The following SH3YL1 variants were observed in gnomAD, a reference collection of about 807,000 sequenced individuals.
SH3YL1 encodes SH3 and SYLF domain containing 1.
Under a neutral mutation model 45.8 loss-of-function variants are expected in SH3YL1, and 41 were observed. The observed-to-expected ratio is 0.89, with a 90% CI of 0.70 to 1.16. The LOEUF (loss-of-function observed/expected upper bound fraction) is 1.16. Ranked by LOEUF, SH3YL1 falls within the 50% of genes most tolerant of loss-of-function variation. The pLI is 0.00. For missense variants in SH3YL1, 389 were observed against 409.6 expected, an observed-to-expected ratio of 0.95 and a Z score of 0.43; for synonymous variants, 152 against 151.4, an observed-to-expected ratio of 1.00 and a Z score of -0.03.
At chr2:249,235 T>A (rs1020321353) in intron 3 of SH3YL1, among the ~76,000 whole-genome samples, 28 of 152,296 alleles carry the variant, frequency 1.8e-4, no homozygotes, top group East Asian at 7.7e-4. Flanking sequence ...TCCCAGAAAG[T>A]AAAACTCGAT....
At chr2:223,357 G>A (rs1481451246) in intron 9 of SH3YL1, among the ~76,000 whole-genome samples, 1 of 152,140 alleles carries the variant, frequency 6.6e-6, no homozygotes, top group African/African-American at 2.4e-5. Flanking sequence ...GGGGATCTGT[G>A]GCCTCAGCTC....
At chr2:230,977 A>G (rs750365570) in intron 7 of SH3YL1, 46 bp downstream of exon 7, 2 of 1,589,024 alleles carry the variant, frequency 1.3e-6, no homozygotes, top group Non-Finnish European at 1.7e-6. Context: ...TTCTACAGAA[A>G]GAGATTTTCT....
chr2:244,777 T>A (rs989687207), intron 4 of SH3YL1: 5 of 152,174 alleles, frequency 3.3e-5, no homozygotes, highest in African/African-American at 1.2e-4. Flanking sequence ...AGTCTCGGCC[T>A]TCCCGGTACT....
chr2:254,342 T>C (rs1340256434), intron 1 of SH3YL1, among the ~76,000 whole-genome samples: 2 of 152,208 alleles, frequency 1.3e-5, no homozygotes, highest in Non-Finnish European at 2.9e-5. Context: ...CTCTGAAGTA[T>C]ATCGAGAAGA....
intron 4 of SH3YL1, chr2:244,568 A>AAAAG (rs34650142): frequency 0.62 from 93,248 of 151,048 alleles, 29,776 homozygotes; most frequent in East Asian, 0.83. Context: ...AAAGAAAAGA[A>AAAAG]AAAGAAAGAA....
chr2:247,134 T>A (rs1322528568), intron 4 of SH3YL1, among the ~76,000 whole-genome samples: 1 of 152,238 alleles, frequency 6.6e-6, no homozygotes, highest in African/African-American at 2.4e-5. Flanking sequence ...GGGATTTGAA[T>A]ATCATATGTT....
chr2:222,152 T>A (rs562005704), intron 9 of SH3YL1, among the ~76,000 whole-genome samples: 2 of 152,196 alleles, frequency 1.3e-5, no homozygotes, highest in Admixed American at 1.3e-4. Flanking sequence ...ATCGGAAGGA[T>A]CTTTGAGGGA....
At chr2:232,704 G>A (rs1668104897) in intron 6 of SH3YL1, among the ~76,000 whole-genome samples, 1 of 151,410 alleles carries the variant, frequency 6.6e-6, no homozygotes, top group South Asian at 2.1e-4. Context: ...TTGGTTTTCT[G>A]TCCTTGTGAT....
chr2:220,865 G>C lies in SH3YL1; in HGVS notation c.839-1864C>G, dbSNP rs565863671. Among the ~76,000 whole-genome samples, 20 of 152,342 alleles carry C rather than the reference G, an allele frequency of 1.3e-4. 1 individual carries two copies. The highest frequency in any genetic ancestry group is 3.8e-4 in the African/African-American group (16 of 41,580). ...GATAATAGGAAGAAGTGAATTAAAAGAGTGCTTGTGAACATCAGGGAATGT... is the reference window on the plus strand; with the variant it reads ...GATAATAGGAAGAAGTGAATTAAAACAGTGCTTGTGAACATCAGGGAATGT... On this transcript the variant is annotated intron_variant, in intron 9 of 9. Transcript: ENST00000356150.
chr2:226,566 G>A (rs1448245944), intron 8 of SH3YL1, among the ~76,000 whole-genome samples: 2 of 152,200 alleles, frequency 1.3e-5, no homozygotes, highest in African/African-American at 4.8e-5. Flanking sequence ...GCTGAAGAAT[G>A]TCATAATGGA....
At chr2:228,837 T>C (rs1667898970) in intron 8 of SH3YL1, among the ~76,000 whole-genome samples, 1 of 152,162 alleles carries the variant, frequency 6.6e-6, no homozygotes, top group Non-Finnish European at 1.5e-5. Flanking sequence ...TATGAGGGAC[T>C]TGGGCTCAAA....
chr2:230,609 C>T (rs186864644), intron 7 of SH3YL1: 194 of 241,650 alleles, frequency 8.0e-4, no homozygotes, highest in African/African-American at 4.3e-3. Flanking sequence ...TGGGCTCAAG[C>T]GATCCTCCTG....
At chr2:226,518 T>C (rs1344024858) in intron 8 of SH3YL1, among the ~76,000 whole-genome samples, 2 of 152,216 alleles carry the variant, frequency 1.3e-5, no homozygotes, top group Non-Finnish European at 2.9e-5. Context: ...CAAAATCTTC[T>C]AGATGCTTCC....
At chr2:232,047 C>T (rs902882170) in intron 6 of SH3YL1, among the ~76,000 whole-genome samples, 1 of 151,830 alleles carries the variant, frequency 6.6e-6, no homozygotes, top group African/African-American at 2.4e-5. Context: ...ATCAAGCTGG[C>T]AATGATGGAA....
At chr2:259,445 T>A (rs969640372) in intron 1 of SH3YL1, 1 of 152,194 alleles carries the variant, frequency 6.6e-6, no homozygotes, top group Non-Finnish European at 1.5e-5. Context: ...TTTGCTTTTT[T>A]TTCTGTTTTT....
intron 9 of SH3YL1, chr2:222,550 T>C (rs1046880825): frequency 6.6e-6 from 1 of 152,214 alleles, no homozygotes; most frequent in Non-Finnish European, 1.5e-5. Flanking sequence ...AACTATGGGA[T>C]GGGTAAGAGG....
In SH3YL1 at chr2:263,992, GC is replaced by G. The variant is rs1389923893; in HGVS notation, c.-9del. On this transcript the variant is annotated 5_prime_UTR_variant, in exon 1 of 10. Coordinates refer to ENST00000356150, the MANE Select transcript of SH3YL1 (RefSeq NM_015677.4). Reference sequence around the variant, plus strand: ...GGTCCCCGGGTACTCACTGCTGCCCGCCCGGCCGCGGCGCCCCGTCCCGAGG... The same window carrying G: ...GGTCCCCGGGTACTCACTGCTGCCCGCCGGCCGCGGCGCCCCGTCCCGAGG... 4 of 1,457,230 alleles carry G rather than the reference GC, an allele frequency of 2.7e-6. No individual in the cohort carries two copies. In the Admixed American group the frequency reaches 1.0e-4, roughly 38 times the overall value. 90.3% of individuals were successfully genotyped at this position (1,457,230 alleles called of 1,614,324 possible).
intron 8 of SH3YL1, chr2:229,748 A>T (rs944958087): frequency 4.3e-5 from 16 of 373,908 alleles, no homozygotes; most frequent in Non-Finnish European, 6.8e-5. Flanking sequence ...AAAAAAAAAA[A>T]AGAAAGTGTC....
At chr2:233,019 T>C in intron 6 of SH3YL1, 82 bp downstream of exon 6, 3 of 1,262,018 alleles carry the variant, frequency 2.4e-6, no homozygotes, top group South Asian at 4.1e-5. Context: ...AATATATAAA[T>C]GTACTCTGCA....
Sources: allele counts gnomAD v4.1 joint callset (sites outside exome capture counted in the v4.1 genomes callset), GRCh38; gene constraint gnomAD v4.1.1; transcripts MANE v1.5; gene names NCBI Gene and HGNC (gene_info 2026-07-23, HGNC 2026-07-21).